Variants in NALF1 observed in about 807,000 individuals in gnomAD.
NALF1 encodes the protein family with sequence similarity 155 member A.
A neutral mutation model predicts 48.4 loss-of-function variants in NALF1; 3 were observed. The observed-to-expected ratio is 0.06, with a 90% CI of 0.03 to 0.16. The LOEUF is 0.16. Among genes scored for constraint, NALF1 ranks in the 10% least tolerant of loss-of-function variants. NALF1 has a pLI of 1.00. For synonymous variants in NALF1, 262 were observed against 245.7 expected, an observed-to-expected ratio of 1.07 and a Z score of -0.62; for missense variants, 526 against 571.5, an observed-to-expected ratio of 0.92 and a Z score of 0.81.
At chr13:107,705,879 T>C (rs1424625584) in intron 1 of NALF1, among the ~76,000 whole-genome samples, 1 of 152,130 alleles carries the variant, frequency 6.6e-6, no homozygotes, top group African/African-American at 2.4e-5. Flanking sequence ...TTGTCATATA[T>C]TTATAGGCAT....
At chr13:107,348,379 G>T (rs1470384217) in intron 1 of NALF1, among the ~76,000 whole-genome samples, 1 of 152,102 alleles carries the variant, frequency 6.6e-6, no homozygotes, top group African/African-American at 2.4e-5. Context: ...AGCAATAATT[G>T]TGTCAAATTA....
At chr13:107,405,151 C>A (rs949047370) in intron 1 of NALF1, among the ~76,000 whole-genome samples, 20 of 152,086 alleles carry the variant, frequency 1.3e-4, no homozygotes, top group African/African-American at 4.3e-4. Flanking sequence ...ATATGGCAGC[C>A]ATTCAATTTC....
At chr13:107,630,053 C>T (rs1879790134) in intron 1 of NALF1, among the ~76,000 whole-genome samples, 1 of 152,092 alleles carries the variant, frequency 6.6e-6, no homozygotes, top group African/African-American at 2.4e-5. Context: ...ACTCTCTTCG[C>T]CTAGTTAGAT....
intron 1 of NALF1, among the ~76,000 whole-genome samples, chr13:107,774,534 T>G (rs189361579): frequency 6.6e-6 from 1 of 152,206 alleles, no homozygotes; most frequent in South Asian, 2.1e-4. Context: ...TGAGACTAAA[T>G]TGTTTATTAG....
chr13:107,492,810 G>T (rs1020313506), intron 1 of NALF1, among the ~76,000 whole-genome samples: 2 of 151,992 alleles, frequency 1.3e-5, no homozygotes, highest in African/African-American at 2.4e-5. Context: ...ACATAAAACT[G>T]GTTCAATCAG....
At chr13:107,798,200 T>C (rs1807326111) in intron 1 of NALF1, among the ~76,000 whole-genome samples, 1 of 152,204 alleles carries the variant, frequency 6.6e-6, no homozygotes, top group Admixed American at 6.5e-5. Context: ...AGAATATCAA[T>C]GGTTGATTGC....
intron 1 of NALF1, among the ~76,000 whole-genome samples, chr13:107,279,074 T>G (rs1411461053): frequency 1.4e-5 from 2 of 146,290 alleles, no homozygotes; most frequent in Non-Finnish European, 3.0e-5. Flanking sequence ...ACAAATTATC[T>G]GCAGTACCTC....
chr13:107,288,291 C>T (rs1171458884), intron 1 of NALF1, among the ~76,000 whole-genome samples: 3 of 144,658 alleles, frequency 2.1e-5, no homozygotes, highest in Non-Finnish European at 4.5e-5. Context: ...GCGATCTCGG[C>T]TCACTGCAAG....
intron 1 of NALF1, among the ~76,000 whole-genome samples, chr13:107,418,096 T>C (rs889770051): frequency 5.9e-5 from 9 of 152,156 alleles, no homozygotes; most frequent in African/African-American, 2.2e-4. Context: ...ATACATGGGC[T>C]TAAATAGAAG....
intron 1 of NALF1, among the ~76,000 whole-genome samples, chr13:107,740,330 G>C (rs1200315174): frequency 1.3e-5 from 2 of 152,094 alleles, no homozygotes; most frequent in Admixed American, 1.3e-4. Flanking sequence ...CAAAACCATA[G>C]AAGATGTAAT....
chr13:107,601,299 A>T lies in NALF1; in HGVS notation c.915+264383T>A, dbSNP rs555136676. Among the ~76,000 whole-genome samples the T allele has an allele frequency of 6.8e-4, 103 of 152,318 alleles. 5 individuals carry two copies. The South Asian group carries it at 0.021, about 31-fold the overall frequency. The stretch of plus-strand genomic sequence containing the variant: ...TGGATTCCAATGTAAGAATTCCCCT[A>T]GAACACTTAAACGCAAATTTGGGAA... On this transcript the variant is annotated intron_variant, in intron 1 of 2. Coordinates refer to ENST00000375915, the MANE Select transcript of NALF1 (RefSeq NM_001080396.3).
At chr13:107,631,517 T>A (rs759252038) in intron 1 of NALF1, among the ~76,000 whole-genome samples, 1 of 152,192 alleles carries the variant, frequency 6.6e-6, no homozygotes, top group Admixed American at 6.5e-5. Flanking sequence ...TTGGTAAACA[T>A]AGCAGAAACA....
chr13:107,305,297 A>C (rs1179516455), intron 1 of NALF1, among the ~76,000 whole-genome samples: 3 of 152,194 alleles, frequency 2.0e-5, no homozygotes, highest in Admixed American at 1.3e-4. Context: ...AAAATCTCAT[A>C]TTTATCAGTT....
chr13:107,476,916 G>A (rs956887436), intron 1 of NALF1, among the ~76,000 whole-genome samples: 1 of 152,030 alleles, frequency 6.6e-6, no homozygotes, highest in African/African-American at 2.4e-5. Context: ...AAAGTAAGTA[G>A]AGAATTAAAA....
At chr13:107,821,747 T>C (rs1431103743) in intron 1 of NALF1, among the ~76,000 whole-genome samples, 1 of 152,228 alleles carries the variant, frequency 6.6e-6, no homozygotes, top group African/African-American at 2.4e-5. Context: ...GTAATCCAAA[T>C]GATGTCATAC....
chr13:107,613,191 G>A (rs1879286716), intron 1 of NALF1, among the ~76,000 whole-genome samples: 1 of 152,098 alleles, frequency 6.6e-6, no homozygotes, highest in Non-Finnish European at 1.5e-5. Flanking sequence ...TAACTTTGGA[G>A]CTTTTTTCCT....
In NALF1 at chr13:107,595,733, G is replaced by C. The variant is rs1037016090; in HGVS notation, c.915+269949C>G. Reference sequence around the variant, plus strand: ...TGCATCATCTGTGACCATGAGTGATGGAAAAGTGAAAACTCAGAACAATTC... The same window carrying C: ...TGCATCATCTGTGACCATGAGTGATCGAAAAGTGAAAACTCAGAACAATTC... On this transcript the variant is annotated intron_variant, in intron 1 of 2. Coordinates refer to ENST00000375915, the MANE Select transcript of NALF1 (RefSeq NM_001080396.3). Among the ~76,000 whole-genome samples, 16 of 152,260 alleles carry C rather than the reference G, an allele frequency of 1.1e-4. No individual in the cohort carries two copies. In the East Asian group the frequency reaches 3.1e-3, roughly 29 times the overall value.
At chr13:107,481,608 G>A (rs1885254980) in intron 1 of NALF1, among the ~76,000 whole-genome samples, 1 of 152,148 alleles carries the variant, frequency 6.6e-6, no homozygotes, top group East Asian at 1.9e-4. Flanking sequence ...ACTGCTCTCA[G>A]AGGACAAAGG....
intron 1 of NALF1, among the ~76,000 whole-genome samples, chr13:107,609,573 T>C (rs1275194714): frequency 5.9e-5 from 9 of 152,206 alleles, no homozygotes; most frequent in Admixed American, 1.3e-4. Context: ...GTGTACCTCC[T>C]ACCTCAGTCT....
Sources: gnomAD v4.1 joint callset for allele counts (sites outside exome capture counted in the v4.1 genomes callset) on GRCh38, gnomAD v4.1.1 for gene constraint, MANE v1.5 for transcripts, NCBI Gene and HGNC (gene_info 2026-07-23, HGNC 2026-07-21) for gene names.